Variants in ZNF821 observed in about 807,000 individuals in gnomAD.
ZNF821 encodes zinc finger protein 821.
A neutral mutation model predicts 44.3 loss-of-function variants in ZNF821; 16 were observed. That is an observed-to-expected ratio of 0.36 (90% CI 0.24 to 0.55). The LOEUF is 0.55. Ranked by LOEUF, ZNF821 falls within the 20% of genes least tolerant of loss-of-function variation. ZNF821 has a pLI of 0.86. For missense variants in ZNF821, 436 were observed against 547.6 expected, an observed-to-expected ratio of 0.80 and a Z score of 2.03; for synonymous variants, 204 against 197.6, an observed-to-expected ratio of 1.03 and a Z score of -0.27.
intron 1 of ZNF821, among the ~76,000 whole-genome samples, chr16:71,892,734 CTTTT>C (rs1177952498): frequency 1.6e-5 from 2 of 125,306 alleles, no homozygotes; most frequent in African/African-American, 3.1e-5. Context: ...ACAAACCAGG[CTTTT>C]TTTTTTTTTT....
chr16:71,864,664 G>A, intron 5 of ZNF821: 1 of 502,314 alleles, frequency 2.0e-6, no homozygotes, highest in Non-Finnish European at 3.5e-6. Context: ...AAAGACGTGG[G>A]GAGCTGCAGG....
intron 3 of ZNF821, among the ~76,000 whole-genome samples, chr16:71,872,779 A>G (rs1027012319): frequency 1.3e-5 from 2 of 152,232 alleles, no homozygotes; most frequent in African/African-American, 4.8e-5. Context: ...AACAGAATAA[A>G]TAAAAACTAA....
At chr16:71,892,178 C>CAAA (rs560376648) in intron 1 of ZNF821, among the ~76,000 whole-genome samples, 672 of 31,886 alleles carry the variant, frequency 0.021, 131 homozygotes, top group East Asian at 0.044. Context: ...AACTCCGTCT[C>CAAA]AAAAAAAAAA....
chr16:71,885,581 C>G (rs1418859640), upstream of ZNF821, among the ~76,000 whole-genome samples: 2 of 152,212 alleles, frequency 1.3e-5, no homozygotes, highest in Non-Finnish European at 2.9e-5. Context: ...GATAAAGTGA[C>G]AAGTCCTGGT....
At chr16:71,887,860 T>TAAA (rs2036867524), upstream of ZNF821, among the ~76,000 whole-genome samples, 2 of 151,130 alleles carry the variant, frequency 1.3e-5, no homozygotes, top group African/African-American at 4.8e-5. Flanking sequence ...AGTTGTCTTT[T>TAAA]TTTTTTTTTT....
intron 3 of ZNF821, among the ~76,000 whole-genome samples, chr16:71,872,506 G>A (rs1402499902): frequency 1.2e-4 from 18 of 152,198 alleles, no homozygotes; most frequent in Middle Eastern, 3.4e-3. Context: ...CCAGCTACTC[G>A]GGAGGCTGAG....
intron 2 of ZNF821, among the ~76,000 whole-genome samples, chr16:71,882,431 T>C (rs779345595): frequency 2.6e-5 from 4 of 152,130 alleles, no homozygotes; most frequent in Non-Finnish European, 5.9e-5. Flanking sequence ...AAACTGAAAC[T>C]GTAAGATAAA....
chr16:71,887,895 TGCCCAG>T (rs2036867770), upstream of ZNF821, among the ~76,000 whole-genome samples: 1 of 151,184 alleles, frequency 6.6e-6, no homozygotes, highest in Non-Finnish European at 1.5e-5. Flanking sequence ...CTCACTCTGT[TGCCCAG>T]GCTGGAGTGC....
chr16:71,879,618 C>A (rs539182858), intron 3 of ZNF821, among the ~76,000 whole-genome samples: 1 of 152,188 alleles, frequency 6.6e-6, no homozygotes, highest in South Asian at 2.1e-4. Context: ...GAGTAGGTAT[C>A]CTATAACTGT....
At chr16:71,874,039 A>T (rs1190158544) in intron 3 of ZNF821, among the ~76,000 whole-genome samples, 1 of 149,284 alleles carries the variant, frequency 6.7e-6, no homozygotes, top group Non-Finnish European at 1.5e-5. Context: ...GCTCACTGCA[A>T]CCTCCATCTC....
At chr16:71,867,250 A>G (rs1343567356) in intron 4 of ZNF821, among the ~76,000 whole-genome samples, 1 of 152,208 alleles carries the variant, frequency 6.6e-6, no homozygotes, top group African/African-American at 2.4e-5. Context: ...CATAGATCCT[A>G]GGAGACAGGG....
intron 3 of ZNF821, among the ~76,000 whole-genome samples, chr16:71,873,663 A>G (rs1292631440): frequency 3.9e-5 from 6 of 152,034 alleles, no homozygotes; most frequent in African/African-American, 1.2e-4. Flanking sequence ...AAATATATAT[A>G]TATTTTTTGA....
In ZNF821 at chr16:71,860,527, A is replaced by C; in HGVS notation, c.730T>G (p.Tyr244Asp). Residue 244 changes from tyrosine (Y) to aspartate (D), a missense_variant, in exon 8 of 8, where the codon TAC (tyrosine) becomes GAC (aspartate). This residue lies in a region of ZNF821 where 68 missense variants were observed against 57.0 expected (regional missense o/e 1.19). Transcript: ENST00000425432. This position sits in a 1 kb window ranked among gnomAD's most constrained non-coding sequence, Gnocchi z 7.3. ...GTCTGGGCTTCCAGCAGTTTACGGT[A>C]GGCAGCACAGTTGTTGCACACAAGC... ...ILLVCNNCAAYRKLLEAQTPS... is the reference protein window; with the variant it reads ...ILLVCNNCAADRKLLEAQTPS... 4 of 1,614,176 alleles carry C rather than the reference A, an allele frequency of 2.5e-6. No homozygotes were observed. Among genetic ancestry groups the C allele is most frequent in the Non-Finnish European group, 3.4e-6 (4 of 1,180,036 alleles).
upstream of ZNF821, chr16:71,885,183 C>A: frequency 6.5e-6 from 1 of 152,790 alleles, no homozygotes; most frequent in Non-Finnish European, 1.5e-5. Flanking sequence ...AGTCAAACAC[C>A]TCCTCCTGTC....
chr16:71,875,483 T>C (rs1321319118), intron 3 of ZNF821, among the ~76,000 whole-genome samples: 1 of 149,702 alleles, frequency 6.7e-6, no homozygotes, highest in East Asian at 2.0e-4. Context: ...AGACGGAGTC[T>C]TGCTCTGTCA....
chr16:71,879,478 T>C (rs2142463243), intron 3 of ZNF821, among the ~76,000 whole-genome samples: 2 of 152,312 alleles, frequency 1.3e-5, no homozygotes, highest in Middle Eastern at 3.4e-3. Flanking sequence ...CTCTAGTACA[T>C]ACAGTCTGCA....
At chr16:71,881,980 T>TA (rs2036465234) in intron 2 of ZNF821, 1 of 146,138 alleles carries the variant, frequency 6.8e-6, no homozygotes, top group Admixed American at 6.8e-5. Context: ...CAAAAAAAGA[T>TA]AAAAAACTGC....
intron 3 of ZNF821, among the ~76,000 whole-genome samples, chr16:71,870,369 C>CA (rs796575103): frequency 0.02 from 2,582 of 131,062 alleles, 40 homozygotes; most frequent in South Asian, 0.085. Context: ...GTAGAGAAAA[C>CA]AAAAAAAAAA....
intron 1 of ZNF821, chr16:71,890,725 T>G (rs1169560187): frequency 4.1e-5 from 6 of 146,492 alleles, no homozygotes; most frequent in Non-Finnish European, 7.5e-5. Flanking sequence ...GTGGGCAACA[T>G]AAAGTCACTG....
Sources: gnomAD v4.1 joint callset for allele counts (sites outside exome capture counted in the v4.1 genomes callset) on GRCh38, gnomAD v4.1.1 for gene constraint, gnomAD v4.1.1 regional missense constraint, Gnocchi (gnomAD v3.1) non-coding constraint, MANE v1.5 for transcripts, NCBI Gene and HGNC (gene_info 2026-07-23, HGNC 2026-07-21) for gene names.